ARHGEF12: variants seen among roughly 807,000 people sequenced by gnomAD.
The protein encoded by ARHGEF12 is Rho guanine nucleotide exchange factor 12.
ARHGEF12 carries 66 observed loss-of-function variants against 211.2 expected under a neutral mutation model. The observed-to-expected ratio is 0.31, with a 90% CI of 0.26 to 0.38. ARHGEF12 has a LOEUF of 0.38. Ranked by LOEUF, ARHGEF12 falls within the 10% of genes least tolerant of loss-of-function variation. ARHGEF12 has a pLI of 1.00. For synonymous variants in ARHGEF12, 592 were observed against 638.4 expected, an observed-to-expected ratio of 0.93 and a Z score of 1.09; for missense variants, 1,429 against 1,869.5, an observed-to-expected ratio of 0.76 and a Z score of 4.34.
At chr11:120,477,711 C>T in intron 36 of ARHGEF12, 185 bp downstream of exon 36, 1 of 507,234 alleles carries the variant, frequency 2.0e-6, no homozygotes, top group Non-Finnish European at 3.4e-6. Flanking sequence ...CTAAAAAATA[C>T]AAAAATTAGC....
At chr11:120,465,796 C>G (rs1946688227) in intron 28 of ARHGEF12, among the ~76,000 whole-genome samples, 1 of 152,112 alleles carries the variant, frequency 6.6e-6, no homozygotes, top group Non-Finnish European at 1.5e-5. Flanking sequence ...TACATTATCT[C>G]TTAAATTCCT....
rs748967238 is a variant in ARHGEF12, at chr11:120,465,243, G to A, written c.2620G>A (p.Gly874Arg). The A allele has an allele frequency of 9.3e-6, 15 of 1,614,036 alleles. No homozygotes were observed. Among genetic ancestry groups the A allele is most frequent in the East Asian group, 2.2e-5 (1 of 44,872 alleles). Residue 874 changes from glycine (G) to arginine (R), a missense_variant, in exon 28 of 41, where the codon GGA (glycine) becomes AGA (arginine). Physicochemically the swap from Gly to Arg is moderately radical, Grantham distance 125. This residue lies in a region of ARHGEF12 where 223 missense variants were observed against 444.6 expected (regional missense o/e 0.50). Coordinates refer to ENST00000397843, the MANE Select transcript of ARHGEF12 (RefSeq NM_015313.3). Reference protein sequence around the residue: ...IGEDLLTWFSGPGEEKLKHAA... With the variant: ...IGEDLLTWFSRPGEEKLKHAA... ...CTTTGCATTCTTGGCACAGTTCAGC[G>A]GACCAGGAGAGGAGAAATTGAAACA...
At chr11:120,442,431 C>T (rs199770069) in intron 15 of ARHGEF12, among the ~76,000 whole-genome samples, 9,738 of 124,882 alleles carry the variant, frequency 0.078, 353 homozygotes, top group South Asian at 0.16. Flanking sequence ...TATATATACA[C>T]ACACACACAC....
chr11:120,388,098 T>A (rs1944094962), intron 1 of ARHGEF12, among the ~76,000 whole-genome samples: 1 of 152,260 alleles, frequency 6.6e-6, no homozygotes, highest in East Asian at 1.9e-4. Context: ...CCTCCACCCC[T>A]CCTCACCTAT....
intron 12 of ARHGEF12, among the ~76,000 whole-genome samples, chr11:120,438,215 CAG>C (rs1288171709): frequency 1.3e-5 from 2 of 152,196 alleles, no homozygotes; most frequent in South Asian, 2.1e-4. Context: ...ATTGAAAAAT[CAG>C]AGACATCAAA....
chr11:120,372,561 A>ATT (rs1943618705), intron 1 of ARHGEF12, among the ~76,000 whole-genome samples: 1 of 152,160 alleles, frequency 6.6e-6, no homozygotes. Flanking sequence ...AACCAAAGGA[A>ATT]TCCTAGGTTA....
At chr11:120,420,463 C>G (rs757782741) in intron 4 of ARHGEF12, among the ~76,000 whole-genome samples, 10 of 152,176 alleles carry the variant, frequency 6.6e-5, no homozygotes, top group Admixed American at 1.3e-4. Flanking sequence ...GGCTTTCCTT[C>G]TAGCTGTCTC....
chr11:120,477,204 T>C lies in ARHGEF12; in HGVS notation c.3366-15T>C. The C allele has an allele frequency of 2.5e-6, 4 of 1,613,064 alleles. No homozygotes were observed. The highest frequency in any genetic ancestry group is 3.4e-6 in the Non-Finnish European group (4 of 1,179,428). On this transcript the variant is annotated splice_polypyrimidine_tract_variant and intron_variant, in intron 34 of 40. Coordinates refer to ENST00000397843, the MANE Select transcript of ARHGEF12 (RefSeq NM_015313.3). ...TTCTTTTTTGTATTTTGGATTTCTTTCCAACTTTCTGAAGCTGGCAGGACC... is the reference window on the plus strand; with the variant it reads ...TTCTTTTTTGTATTTTGGATTTCTTCCCAACTTTCTGAAGCTGGCAGGACC...
chr11:120,343,056 G>C (rs961187745), intron 1 of ARHGEF12, among the ~76,000 whole-genome samples: 10 of 124,636 alleles, frequency 8.0e-5, no homozygotes, highest in African/African-American at 3.1e-4. Flanking sequence ...ACAATGCTTA[G>C]CAGTATTTTT....
At chr11:120,475,632 A>G (rs2052180142) in intron 33 of ARHGEF12, 125 bp downstream of exon 33, 5 of 1,006,840 alleles carry the variant, frequency 5.0e-6, no homozygotes, top group East Asian at 2.6e-5. Flanking sequence ...TAAGCAAATT[A>G]CATGAAATTT....
intron 10 of ARHGEF12, among the ~76,000 whole-genome samples, chr11:120,431,056 G>A (rs577878301): frequency 2.6e-5 from 4 of 152,198 alleles, no homozygotes; most frequent in South Asian, 2.1e-4. Context: ...TTGGGAGGCC[G>A]AGGCGGGCAG....
chr11:120,474,997 C>T (rs113322417), intron 32 of ARHGEF12, among the ~76,000 whole-genome samples: 177 of 152,226 alleles, frequency 1.2e-3, no homozygotes, highest in Non-Finnish European at 1.7e-3. Flanking sequence ...CAGGCTGGAG[C>T]ACAGTGGCTA....
intron 4 of ARHGEF12, among the ~76,000 whole-genome samples, chr11:120,418,345 T>A (rs1449404571): frequency 6.6e-6 from 1 of 152,234 alleles, no homozygotes; most frequent in African/African-American, 2.4e-5. Flanking sequence ...TGGTTTCTTT[T>A]GCTTACCATG....
At chr11:120,478,730 TC>T (rs1947139855) in intron 37 of ARHGEF12, among the ~76,000 whole-genome samples, 1 of 152,154 alleles carries the variant, frequency 6.6e-6, no homozygotes, top group Admixed American at 6.5e-5. Flanking sequence ...AAAAGATTAA[TC>T]TGGCTGAAAG....
chr11:120,473,337 A>G (rs1409809687), intron 31 of ARHGEF12, among the ~76,000 whole-genome samples: 2 of 152,170 alleles, frequency 1.3e-5, no homozygotes, highest in African/African-American at 4.8e-5. Context: ...ATAAAACTGT[A>G]ATATTACATG....
At position 120,446,352 on chromosome 11, in the gene ARHGEF12, A is replaced by G. The variant is rs765688296; in HGVS notation, c.1346-51A>G. On this transcript the variant is annotated intron_variant, in intron 16 of 40. Coordinates refer to ENST00000397843, the MANE Select transcript of ARHGEF12 (RefSeq NM_015313.3). The stretch of plus-strand genomic sequence containing the variant: ...GTAGCATTGCTATGTTGCCAATTGT[A>G]TGTTGCCCAGAACATACCTTTAGAT... 31 of 1,417,382 alleles carry G rather than the reference A, an allele frequency of 2.2e-5. 1 individual carries two copies. Among genetic ancestry groups the G allele is most frequent in the Middle Eastern group, 1.8e-4 (1 of 5,630 alleles). 87.8% of individuals were successfully genotyped at this position (1,417,382 alleles called of 1,614,324 possible).
intron 31 of ARHGEF12, among the ~76,000 whole-genome samples, chr11:120,473,383 T>C (rs1326508742): frequency 6.6e-6 from 1 of 152,206 alleles, no homozygotes; most frequent in Non-Finnish European, 1.5e-5. Context: ...ACACTAATTA[T>C]TATAAAATTT....
intron 1 of ARHGEF12, 103 bp from the exon 2 acceptor site, chr11:120,406,015 A>G: frequency 1.2e-6 from 1 of 851,048 alleles, no homozygotes; most frequent in Admixed American, 2.8e-5. Flanking sequence ...AAGTTACCAT[A>G]AGATTTAAAT....
At chr11:120,453,026 A>AAG (rs1565493595) in intron 22 of ARHGEF12, among the ~76,000 whole-genome samples, 1 of 148,512 alleles carries the variant, frequency 6.7e-6, no homozygotes, top group Non-Finnish European at 1.5e-5. Flanking sequence ...AACAAAAAAA[A>AAG]ACGACAAGAT....
Sources: gnomAD v4.1 joint callset for allele counts (sites outside exome capture counted in the v4.1 genomes callset) on GRCh38, gnomAD v4.1.1 for gene constraint, gnomAD v4.1.1 regional missense constraint, MANE v1.5 for transcripts, NCBI Gene and HGNC (gene_info 2026-07-23, HGNC 2026-07-21) for gene names.